The following RYR2 variants were observed in gnomAD, a reference collection of about 807,000 sequenced individuals.
RYR2 encodes cardiac muscle ryanodine receptor-calcium release channel.
Under a neutral mutation model 601.1 loss-of-function variants are expected in RYR2, and 227 were observed. The observed-to-expected ratio is 0.38, with a 90% confidence interval of 0.34 to 0.42. The LOEUF (loss-of-function observed/expected upper bound fraction) is 0.42. Among genes scored for constraint, RYR2 ranks in the 10% least tolerant of loss-of-function variants. The probability of loss-of-function intolerance (pLI) is 1.00; values close to 1 mark genes in which losing one functional copy is unlikely to be tolerated. For missense variants in RYR2, 4,646 were observed against 6,156.5 expected (o/e 0.75, Z 8.21); for synonymous variants, 2,223 against 2,175.1 (o/e 1.02, Z -0.61).
At position 237,102,959 on chromosome 1, in the gene RYR2, T is replaced by C. The variant is rs74336650; in HGVS notation, c.48+60390T>C. On this transcript the variant is annotated intron_variant, in intron 1 of 104. Transcript: ENST00000366574. The stretch of plus-strand genomic sequence containing the variant: ...AACGATACAGTTCAGTCGTGTTAAG[T>C]ATATGCACACCGTTGTGCAACAAAT... Among the ~76,000 whole-genome samples, 1,292 of 152,328 alleles carry C rather than the reference T, an allele frequency of 8.5e-3. 23 individuals are homozygous for C. The highest frequency in any genetic ancestry group is 0.029 in the African/African-American group (1,208 of 41,580).
At chr1:237,487,872 G>A (rs888560367) in intron 17 of RYR2, among the ~76,000 whole-genome samples, 1 of 151,772 alleles carries the variant, frequency 6.6e-6, no homozygotes, top group Non-Finnish European at 1.5e-5. Flanking sequence ...AATAGAATTA[G>A]AAGCTGTCAA....
At chr1:237,567,065 T>C (rs1672159950) in intron 28 of RYR2, among the ~76,000 whole-genome samples, 1 of 152,142 alleles carries the variant, frequency 6.6e-6, no homozygotes, top group Non-Finnish European at 1.5e-5. Flanking sequence ...GCATATACAT[T>C]GACGCAGCGA....
chr1:237,206,001 C>G (rs987550579), intron 1 of RYR2, among the ~76,000 whole-genome samples: 1 of 152,230 alleles, frequency 6.6e-6, no homozygotes, highest in Admixed American at 6.5e-5. Context: ...TCCTCTTCCA[C>G]GAGGAAATGG....
chr1:237,643,023 C>T (rs1042346251), intron 47 of RYR2, among the ~76,000 whole-genome samples: 2 of 152,164 alleles, frequency 1.3e-5, no homozygotes, highest in African/African-American at 4.8e-5. Context: ...TTCATAAACA[C>T]GTCAGATTCT....
intron 1 of RYR2, among the ~76,000 whole-genome samples, chr1:237,068,257 A>T (rs1240693677): frequency 6.6e-6 from 1 of 152,154 alleles, no homozygotes; most frequent in East Asian, 1.9e-4. Context: ...AGACGAGGAC[A>T]TTGGTGGGGT....
At chr1:237,563,189 C>T (rs1671625116) in intron 27 of RYR2, among the ~76,000 whole-genome samples, 1 of 152,046 alleles carries the variant, frequency 6.6e-6, no homozygotes, top group Non-Finnish European at 1.5e-5. Flanking sequence ...TGGTGGATCA[C>T]CTGAGGCTCG....
At chr1:237,086,214 G>A (rs1172406458) in intron 1 of RYR2, among the ~76,000 whole-genome samples, 1 of 152,204 alleles carries the variant, frequency 6.6e-6, no homozygotes, top group African/African-American at 2.4e-5. Flanking sequence ...TGTTGGCAGG[G>A]CTGGTTTCTT....
intron 14 of RYR2, among the ~76,000 whole-genome samples, chr1:237,450,429 C>T (rs1657944048): frequency 6.6e-6 from 1 of 152,152 alleles, no homozygotes; most frequent in Non-Finnish European, 1.5e-5. Context: ...CTGTAGGACT[C>T]ACCTGATTTG....
Position 237,718,527 on chromosome 1 carries a change from C to G in RYR2, c.10554+6C>G, listed in dbSNP as rs776756933. ...ATATTCATTTACAAGGCAAGGTAAG[C>G]CAAATTTTATTCTTAAGCCACATTT... On this transcript the variant is annotated splice_donor_region_variant and intron_variant, in intron 73 of 104. Coordinates refer to ENST00000366574, the MANE Select transcript of RYR2 (RefSeq NM_001035.3). The G allele has an allele frequency of 1.9e-6, 3 of 1,557,052 alleles. No individual in the cohort carries two copies. Among genetic ancestry groups the G allele is most frequent in the Non-Finnish European group, 2.7e-6 (3 of 1,129,756 alleles).
chr1:237,754,241 C>A (rs1297767699), intron 80 of RYR2, among the ~76,000 whole-genome samples: 4 of 150,958 alleles, frequency 2.6e-5, no homozygotes, highest in Non-Finnish European at 4.4e-5. Flanking sequence ...AAATGAGTGA[C>A]CTGTCCAGGG....
At position 237,171,332 on chromosome 1, in the gene RYR2, C is replaced by T. The variant is rs564556674; in HGVS notation, c.49-99165C>T. Among the ~76,000 whole-genome samples, 184 of 151,958 alleles carry T rather than the reference C, an allele frequency of 1.2e-3. 2 individuals are homozygous for T. Among genetic ancestry groups the T allele is most frequent in the African/African-American group, 4.3e-3 (177 of 41,444 alleles). On this transcript the variant is annotated intron_variant, in intron 1 of 104. Coordinates refer to ENST00000366574, the MANE Select transcript of RYR2 (RefSeq NM_001035.3). The stretch of plus-strand genomic sequence containing the variant: ...TATACCTTTTGACATGTAGTAGTTG[C>T]TAAATGATTGATACAGATACTGATG...
chr1:237,126,081 A>G (rs1017205659), intron 1 of RYR2, among the ~76,000 whole-genome samples: 2 of 152,188 alleles, frequency 1.3e-5, no homozygotes, highest in Admixed American at 1.3e-4. Context: ...TACTAAAAAT[A>G]CAAGAATTAG....
chr1:237,493,241 A>G (rs1663613365), intron 19 of RYR2, among the ~76,000 whole-genome samples, 154 bp downstream of exon 19: 1 of 152,144 alleles, frequency 6.6e-6, no homozygotes, highest in African/African-American at 2.4e-5. Flanking sequence ...CTTTTTCTCT[A>G]ACAATCAGAT....
intron 1 of RYR2, among the ~76,000 whole-genome samples, chr1:237,220,516 T>C (rs1274800725): frequency 2.0e-5 from 3 of 152,214 alleles, no homozygotes; most frequent in African/African-American, 7.2e-5. Flanking sequence ...GTCGTAGGAC[T>C]TCTCTGCTTC....
chr1:237,202,494 A>G (rs688983), intron 1 of RYR2, among the ~76,000 whole-genome samples: 144,414 of 152,216 alleles, frequency 0.95, 68,789 homozygotes, highest in Non-Finnish European at 0.99. Flanking sequence ...TGCAACCTCC[A>G]CCTCCTGGCT....
At position 237,784,794 on chromosome 1, in the gene RYR2, A is replaced by G; in HGVS notation, c.13082A>G (p.Glu4361Gly). 1 of 1,611,210 alleles carries G rather than the reference A, an allele frequency of 6.2e-7. No homozygotes were observed. Among genetic ancestry groups the G allele is most frequent in the Non-Finnish European group, 8.5e-7 (1 of 1,177,912 alleles). Reference protein sequence around the residue: ...RKPLEAALPSEDLTDLKELTE... With the variant: ...RKPLEAALPSGDLTDLKELTE... ...CCCCTGGAAGCCGCCCTGCCCTCCG[A>G]GGATCTGACCGACTTAAAGGAGCTG... Residue 4361 changes from glutamate (E) to glycine (G), a missense_variant, in exon 90 of 105, where the codon GAG becomes GGG. Glu to Gly is a moderately conservative substitution (Grantham distance 98). Transcript: ENST00000366574. The surrounding 1 kb of genome is among the most constrained non-coding windows in gnomAD (Gnocchi z 7.1).
At chr1:237,752,666 G>C (rs1692630464) in intron 80 of RYR2, among the ~76,000 whole-genome samples, 1 of 152,120 alleles carries the variant, frequency 6.6e-6, no homozygotes, top group African/African-American at 2.4e-5. Flanking sequence ...GAGTTGACCT[G>C]TTTGTGCTGC....
intron 1 of RYR2, among the ~76,000 whole-genome samples, chr1:237,150,063 G>C (rs745330425): frequency 2.0e-5 from 3 of 152,254 alleles, no homozygotes; most frequent in Admixed American, 6.5e-5. Flanking sequence ...CAGGCACAGT[G>C]CCAAGTATTC....
At chr1:237,341,573 G>T (rs914942143) in intron 3 of RYR2, 9 of 490,820 alleles carry the variant, frequency 1.8e-5, no homozygotes, top group African/African-American at 1.7e-4. Context: ...TCTCAGGAAT[G>T]CAGGTCTTTG....
Sources: allele counts gnomAD v4.1 joint callset (sites outside exome capture counted in the v4.1 genomes callset), GRCh38; gene constraint gnomAD v4.1.1; non-coding constraint Gnocchi (gnomAD v3.1); transcripts MANE v1.5; gene names NCBI Gene and HGNC (gene_info 2026-07-23, HGNC 2026-07-21).